Variants in PCSK5 observed in about 807,000 individuals in gnomAD.
PCSK5 encodes proprotein convertase subtilisin/kexin type 5, also known as prohormone convertase 5.
PCSK5 carries 129 observed loss-of-function variants against 233.2 expected under a neutral mutation model. The observed-to-expected ratio is 0.55, with a 90% CI of 0.48 to 0.64. PCSK5 has a LOEUF of 0.64. PCSK5 is among the 30% of genes least tolerant of loss of function. The pLI, the probability that PCSK5 is intolerant of heterozygous loss-of-function variation, is 0.00. For synonymous variants in PCSK5, 825 were observed against 879.2 expected (o/e 0.94, Z 1.09); for missense variants, 2,076 against 2,430.1 (o/e 0.85, Z 3.06).
chr9:76,090,114 G>C (rs1489208930), intron 7 of PCSK5, among the ~76,000 whole-genome samples: 1 of 152,058 alleles, frequency 6.6e-6, no homozygotes, highest in African/African-American at 2.4e-5. Context: ...TATTTAAATA[G>C]CCAATTGCAA....
chr9:76,126,629 T>C (rs1425572582), intron 9 of PCSK5, among the ~76,000 whole-genome samples: 1 of 152,098 alleles, frequency 6.6e-6, no homozygotes, highest in Non-Finnish European at 1.5e-5. Context: ...AAAAACCGTT[T>C]TTTACAGCAA....
At chr9:76,088,636 T>A (rs1831159220) in intron 7 of PCSK5, among the ~76,000 whole-genome samples, 1 of 152,134 alleles carries the variant, frequency 6.6e-6, no homozygotes, top group African/African-American at 2.4e-5. Flanking sequence ...ATAATTAATT[T>A]CCCTAACCTC....
intron 20 of PCSK5, among the ~76,000 whole-genome samples, chr9:76,213,519 G>T (rs566265918): frequency 6.6e-6 from 1 of 152,188 alleles, no homozygotes; most frequent in South Asian, 2.1e-4. Flanking sequence ...CATTTTGGTT[G>T]TAGTGGTTCC....
At position 76,345,842 on chromosome 9, in the gene PCSK5, C is replaced by G. The variant is rs182714792; in HGVS notation, c.4967-4986C>G. On this transcript the variant is annotated intron_variant, in intron 35 of 37. Transcript: ENST00000674117. ...TCAAGCAATTCTCCTGTCTCAGCCT[C>G]CCGAGTAGCTGGGACTACAGGCGTG... Among the ~76,000 whole-genome samples, 367 of 152,252 alleles carry G rather than the reference C, an allele frequency of 2.4e-3. 3 individuals carry two copies. Among genetic ancestry groups the G allele is most frequent in the African/African-American group, 8.6e-3 (355 of 41,506 alleles).
At chr9:76,121,729 A>G (rs145531342) in intron 9 of PCSK5, among the ~76,000 whole-genome samples, 323 of 151,950 alleles carry the variant, frequency 2.1e-3, no homozygotes, top group Non-Finnish European at 3.5e-3. Context: ...GAGTTCTCGC[A>G]TGTTTGAAGG....
intron 24 of PCSK5, among the ~76,000 whole-genome samples, chr9:76,275,913 G>T (rs997812053): frequency 1.3e-5 from 2 of 152,166 alleles, no homozygotes; most frequent in Non-Finnish European, 2.9e-5. Context: ...ATTCCTTGAG[G>T]TAGGGACTGC....
chr9:75,987,693 G>A (rs746563632), intron 3 of PCSK5, among the ~76,000 whole-genome samples: 27 of 152,154 alleles, frequency 1.8e-4, no homozygotes, highest in Non-Finnish European at 3.1e-4. Flanking sequence ...AAGGGAAGGC[G>A]GATCTAAGCA....
In PCSK5 at chr9:76,190,665, G is replaced by C. The variant is rs1824330950; in HGVS notation, c.2626+919G>C. On this transcript the variant is annotated intron_variant, in intron 20 of 37. Coordinates refer to ENST00000674117, the MANE Select transcript of PCSK5 (RefSeq NM_001372043.1). ...TGATGTATAAACAGTAATTAAATGG[G>C]TATCTGAATCTTTCATTAAGCCTGT... Among the ~76,000 whole-genome samples the C allele has an allele frequency of 1.3e-5, 2 of 152,074 alleles. 1 individual carries two copies. Among genetic ancestry groups the C allele is most frequent in the South Asian group, 4.1e-4 (2 of 4,826 alleles).
intron 30 of PCSK5, among the ~76,000 whole-genome samples, chr9:76,318,810 A>G (rs778695835): frequency 3.9e-5 from 6 of 152,196 alleles, no homozygotes; most frequent in Non-Finnish European, 7.4e-5. Context: ...GGAAATTTTT[A>G]TTGTTTATTA....
chr9:76,248,693 T>C (rs534985588), intron 24 of PCSK5, among the ~76,000 whole-genome samples: 3 of 152,360 alleles, frequency 2.0e-5, no homozygotes, highest in Admixed American at 6.5e-5. Context: ...CAAGTTATTA[T>C]ACATAACATC....
At chr9:75,998,785 C>G (rs1002094227) in intron 3 of PCSK5, among the ~76,000 whole-genome samples, 1 of 152,196 alleles carries the variant, frequency 6.6e-6, no homozygotes, top group Non-Finnish European at 1.5e-5. Context: ...GGCCAGTATT[C>G]TTTCATTTAT....
rs2889631 is a variant in PCSK5 at position 76,040,373 on chromosome 9, C to G, written c.632+13336C>G. Among the ~76,000 whole-genome samples, 245 of 67,428 alleles carry G rather than the reference C, an allele frequency of 3.6e-3. 3 individuals are homozygous for G. The highest frequency in any genetic ancestry group is 0.013 in the Admixed American group (76 of 5,702). 44.2% of individuals were successfully genotyped at this position (67,428 alleles called of 152,430 possible). A position where few individuals can be genotyped will look rare whatever the true frequency, so the allele number is the denominator to read the frequency against. On this transcript the variant is annotated intron_variant, in intron 5 of 37. Coordinates refer to ENST00000674117, the MANE Select transcript of PCSK5 (RefSeq NM_001372043.1). ...TCTCTCTCTCTCTCTCTCTCTCTCT[C>G]TCTCTCTCTCTGTCTCTCTCTCTCT... is the stretch of plus-strand genomic sequence containing the variant.
intron 31 of PCSK5, 136 bp from the exon 32 acceptor site, chr9:76,322,915 TG>T: frequency 1.6e-6 from 1 of 620,870 alleles, no homozygotes; most frequent in South Asian, 1.9e-5. Flanking sequence ...GTCTATGCCC[TG>T]GCAGGGTGGG....
At chr9:75,914,185 T>C (rs1050973413) in intron 1 of PCSK5, among the ~76,000 whole-genome samples, 1 of 152,212 alleles carries the variant, frequency 6.6e-6, no homozygotes, top group African/African-American at 2.4e-5. Context: ...AAACCAATTA[T>C]TAACTCAACC....
chr9:76,175,741 A>G (rs1227737965), intron 14 of PCSK5, among the ~76,000 whole-genome samples: 1 of 152,176 alleles, frequency 6.6e-6, no homozygotes, highest in South Asian at 2.1e-4. Flanking sequence ...CATTCCTGCC[A>G]ACAGAAAAAA....
chr9:76,082,736 A>G lies in PCSK5; in HGVS notation c.894+10838A>G, dbSNP rs144860109. ...TTTTGCCCCAATTGGATTTTAATAC[A>G]CTTGTTGCAATCGATATTCATCAGC... On this transcript the variant is annotated intron_variant, in intron 7 of 37. Coordinates refer to ENST00000674117, the MANE Select transcript of PCSK5 (RefSeq NM_001372043.1). 2.1e-3 allele frequency among the ~76,000 whole-genome samples: 315 copies of G among 152,070 alleles called. 1 individual carries two copies. The highest frequency in any genetic ancestry group is 7.2e-3 in the African/African-American group (299 of 41,472).
At chr9:76,264,970 A>G (rs974487653) in intron 24 of PCSK5, among the ~76,000 whole-genome samples, 8 of 152,198 alleles carry the variant, frequency 5.3e-5, no homozygotes, top group African/African-American at 1.9e-4. Context: ...TGTTTATCAC[A>G]GCACTATTCA....
Position 76,192,983 on chromosome 9 carries a change from C to CTT in PCSK5, c.2626+3248_2626+3249dup, listed in dbSNP as rs5898460. Among the ~76,000 whole-genome samples, 552 of 147,388 alleles carry CTT rather than the reference C, an allele frequency of 3.7e-3. 3 individuals carry two copies. The highest frequency in any genetic ancestry group is 0.017 in the South Asian group (78 of 4,624). Reference sequence around the variant, plus strand: ...ATTTCTAATTTATTCTTTTTCTAATCTTTTTTTTTTTTCACAAATGGATAC... The same window carrying CTT: ...ATTTCTAATTTATTCTTTTTCTAATCTTTTTTTTTTTTTTCACAAATGGATAC... On this transcript the variant is annotated intron_variant, in intron 20 of 37. Transcript: ENST00000674117.
At chr9:76,350,405 G>A (rs1369838945) in intron 35 of PCSK5, among the ~76,000 whole-genome samples, 3 of 152,166 alleles carry the variant, frequency 2.0e-5, no homozygotes, top group Admixed American at 6.5e-5. Context: ...AGCATTTTAA[G>A]TGCCAAGTTT....
Sources: gnomAD v4.1 joint callset for allele counts (sites outside exome capture counted in the v4.1 genomes callset) on GRCh38, gnomAD v4.1.1 for gene constraint, MANE v1.5 for transcripts, NCBI Gene and HGNC (gene_info 2026-07-23, HGNC 2026-07-21) for gene names.